Variants in RAD18 observed in about 807,000 individuals in gnomAD.
RAD18 encodes the protein E3 ubiquitin-protein ligase RAD18.
A neutral mutation model predicts 60.4 loss-of-function variants in RAD18; 47 were observed. That is an observed-to-expected ratio of 0.78 (90% CI 0.62 to 0.99). The LOEUF (loss-of-function observed/expected upper bound fraction) is 0.99, where lower values mean the gene tolerates loss of function less well. RAD18 is among the 50% of genes least tolerant of loss of function. RAD18 has a pLI of 0.00. For missense variants in RAD18, 640 were observed against 593.3 expected (o/e 1.08, Z -0.82); for synonymous variants, 225 against 195.5 (o/e 1.15, Z -1.26).
intron 7 of RAD18, among the ~76,000 whole-genome samples, chr3:8,934,661 C>T (rs1191909801): frequency 6.6e-6 from 1 of 152,172 alleles, no homozygotes; most frequent in Non-Finnish European, 1.5e-5. Flanking sequence ...GAATTTGGGG[C>T]TGTATCCATG....
rs368213979 is a variant in RAD18 at position 8,909,770 on chromosome 3, T to C, written c.1027+2542A>G. On this transcript the variant is annotated intron_variant, in intron 9 of 12. Transcript: ENST00000264926. ...GGGGTGTCCAATCTTTTGGCTTCCC[T>C]GGGCCACACTGGAAGAAGAATTGTC... Among the ~76,000 whole-genome samples the C allele has an allele frequency of 1.1e-3, 166 of 152,338 alleles. 2 individuals are homozygous for C. In the East Asian group the frequency reaches 0.022, roughly 20 times the overall value.
rs1456244352 is a variant in RAD18, at chr3:8,912,335, A to G, written c.1004T>C (p.Ile335Thr). The change falls in exon 9 of 13, where the codon ATA (isoleucine) becomes ACA (threonine). Residue 335 changes from isoleucine to threonine, a missense_variant. Transcript: ENST00000264926. Reference sequence around the variant, plus strand: ...ACGATATTTACTGTGGATTTCATCTATTTCCTTTTCTGTTTGGTCCTTTGT... The same window carrying G: ...ACGATATTTACTGTGGATTTCATCTGTTTCCTTTTCTGTTTGGTCCTTTGT... ...VFTKDQTEKE[I>T]DEIHSKYRKK... 3 of 1,568,218 alleles carry G rather than the reference A, an allele frequency of 1.9e-6. No homozygotes were observed. Among genetic ancestry groups the G allele is most frequent in the African/African-American group, 1.4e-5 (1 of 72,470 alleles).
chr3:8,933,109 T>TAAATAAAATA (rs59597167), intron 7 of RAD18, among the ~76,000 whole-genome samples: 5 of 149,822 alleles, frequency 3.3e-5, no homozygotes, highest in South Asian at 2.1e-4. Flanking sequence ...AATAAATAAA[T>TAAATAAAATA]AAATAAAATA....
chr3:8,959,257 T>C (rs1178562460), intron 1 of RAD18, among the ~76,000 whole-genome samples: 1 of 152,254 alleles, frequency 6.6e-6, no homozygotes, highest in East Asian at 1.9e-4. Flanking sequence ...CCGATTCTTG[T>C]GCCATATTGT....
chr3:8,934,185 A>G (rs1270937976), intron 7 of RAD18, among the ~76,000 whole-genome samples: 1 of 152,156 alleles, frequency 6.6e-6, no homozygotes, highest in Non-Finnish European at 1.5e-5. Context: ...CAAGAACAAT[A>G]AAGTTTTAAA....
chr3:8,899,562 A>G (rs919221990), intron 10 of RAD18, among the ~76,000 whole-genome samples: 4 of 152,202 alleles, frequency 2.6e-5, no homozygotes, highest in Admixed American at 2.0e-4. Flanking sequence ...CATAAGGAAT[A>G]TTTCCATTTG....
chr3:8,945,511 C>T (rs988556593), intron 4 of RAD18, among the ~76,000 whole-genome samples: 13 of 117,828 alleles, frequency 1.1e-4, no homozygotes, highest in Admixed American at 5.1e-4. Flanking sequence ...CTTACTCTGT[C>T]GCCAGGCTGG....
In RAD18 at chr3:8,939,579, C is replaced by G; in HGVS notation, c.679G>C (p.Glu227Gln). The G allele has an allele frequency of 6.2e-7, 1 of 1,612,846 alleles. No individual in the cohort carries two copies. The highest frequency in any genetic ancestry group is 8.5e-7 in the Non-Finnish European group (1 of 1,179,108). The change falls in exon 6 of 13, where the codon GAA (glutamate) becomes CAA (glutamine). Residue 227 changes from glutamate to glutamine, a missense_variant. Physicochemically the swap from Glu to Gln is conservative, Grantham distance 29. Transcript: ENST00000264926. ...CTTCTGAGGCTTTCCTTCTTCTCTT[C>G]GCGTGATAAACAGCTGTCTAAATGC... ...NKHLDSCLSR[E>Q]EKKESLRSSV...
intron 7 of RAD18, among the ~76,000 whole-genome samples, chr3:8,920,365 T>C (rs1429974529): frequency 6.6e-6 from 1 of 151,896 alleles, no homozygotes; most frequent in Non-Finnish European, 1.5e-5. Flanking sequence ...AAGTATCAAT[T>C]AGCAACTGTG....
chr3:8,962,533 GAGA>G (rs1257109682), intron 1 of RAD18, among the ~76,000 whole-genome samples: 12 of 152,214 alleles, frequency 7.9e-5, no homozygotes, highest in African/African-American at 2.4e-4. Flanking sequence ...AAAACTGAGG[GAGA>G]AGAAGGCTAT....
intron 11 of RAD18, among the ~76,000 whole-genome samples, chr3:8,891,920 T>C (rs575937489): frequency 2.0e-5 from 3 of 152,338 alleles, no homozygotes; most frequent in Non-Finnish European, 2.9e-5. Context: ...AAAAACCACA[T>C]TCCTAAAATT....
At position 8,894,759 on chromosome 3, in the gene RAD18, C is replaced by CTTTT. The variant is rs71625397; in HGVS notation, c.1322+4131_1322+4134dup. Among the ~76,000 whole-genome samples the CTTTT allele has an allele frequency of 3.1e-3, 372 of 120,756 alleles. 11 individuals are homozygous for CTTTT. The highest frequency in any genetic ancestry group is 0.013 in the East Asian group (55 of 4,130). The allele number at this position is 120,756 out of a possible 152,430, so 79.2% of individuals were successfully genotyped here. A position where few individuals can be genotyped will look rare whatever the true frequency, so the allele number is the denominator to read the frequency against. ...TCATGCACCACACCCAGTTTAAGCG[C>CTTTT]TTTTTTTTTTTTTTTTTTTGAGATG... On this transcript the variant is annotated intron_variant, in intron 11 of 12. Transcript: ENST00000264926.
At chr3:8,890,570 C>A in intron 11 of RAD18, 119 bp from the exon 12 acceptor site, 1 of 667,808 alleles carries the variant, frequency 1.5e-6, no homozygotes, top group Non-Finnish European at 2.5e-6. Flanking sequence ...CCAGTGGTTA[C>A]CAGTAAGAGG....
At chr3:8,897,848 T>C (rs1939818656) in intron 11 of RAD18, among the ~76,000 whole-genome samples, 1 of 151,908 alleles carries the variant, frequency 6.6e-6, no homozygotes, top group Non-Finnish European at 1.5e-5. Flanking sequence ...GGTGGATCAC[T>C]TGAGGTCAGG....
chr3:8,959,141 A>C (rs1941058363), intron 1 of RAD18, 140 bp from the exon 2 acceptor site: 2 of 681,926 alleles, frequency 2.9e-6, no homozygotes, highest in Non-Finnish European at 5.3e-6. Flanking sequence ...CTCCAGATAA[A>C]CTGCAAGGGA....
At chr3:8,921,761 G>A (rs1205301262) in intron 7 of RAD18, among the ~76,000 whole-genome samples, 1 of 152,148 alleles carries the variant, frequency 6.6e-6, no homozygotes, top group Admixed American at 6.5e-5. Context: ...TGAACACCCA[G>A]ATCTACACAA....
At chr3:8,957,902 T>C (rs1324282064) in intron 2 of RAD18, among the ~76,000 whole-genome samples, 1 of 152,242 alleles carries the variant, frequency 6.6e-6, no homozygotes. Flanking sequence ...AAAATGGATG[T>C]ATTTTATTGT....
In RAD18 at chr3:8,941,822, A is replaced by T; in HGVS notation, c.267-18T>A. On this transcript the variant is annotated intron_variant, in intron 4 of 12. Coordinates refer to ENST00000264926, the MANE Select transcript of RAD18 (RefSeq NM_020165.4). Reference sequence around the variant, plus strand: ...GATGATTCCTTGAAGCACAAAGAACACAACAGACAATTAAGAGATCCAATT... The same window carrying T: ...GATGATTCCTTGAAGCACAAAGAACTCAACAGACAATTAAGAGATCCAATT... The T allele has an allele frequency of 6.4e-7, 1 of 1,572,396 alleles. No homozygotes were observed. The highest frequency in any genetic ancestry group is 1.1e-5 in the South Asian group (1 of 87,996).
In RAD18 at chr3:8,878,520, T is replaced by C. The variant is rs958758190; in HGVS notation, c.*2837A>G. The C allele has an allele frequency of 1.3e-5, 2 of 152,230 alleles. No individual in the cohort carries two copies. The highest frequency in any genetic ancestry group is 2.9e-5 in the Non-Finnish European group (2 of 68,046). 9.4% of individuals were successfully genotyped at this position (152,230 alleles called of 1,614,324 possible). A position where few individuals can be genotyped will look rare whatever the true frequency, so the allele number is the denominator to read the frequency against. On this transcript the variant is annotated 3_prime_UTR_variant, in exon 13 of 13. Transcript: ENST00000264926. ...ATGCTAAGAAGTTTGAAATCCATTG[T>C]TTTTGGGTTTTTTTCCAGAAACAGT...
Sources: gnomAD v4.1 joint callset for allele counts (sites outside exome capture counted in the v4.1 genomes callset) on GRCh38, gnomAD v4.1.1 for gene constraint, MANE v1.5 for transcripts, NCBI Gene and HGNC (gene_info 2026-07-23, HGNC 2026-07-21) for gene names.